The following KIAA0586 variants were observed in gnomAD, a reference collection of about 807,000 sequenced individuals.
KIAA0586 encodes KIAA0586.
Under a neutral mutation model 169.8 loss-of-function variants are expected in KIAA0586, and 144 were observed. The ratio of observed to expected loss-of-function variants is 0.85; its 90% CI spans 0.74 to 0.97. KIAA0586 has a LOEUF of 0.97. KIAA0586 is among the 50% of genes least tolerant of loss of function. The pLI, the probability that KIAA0586 is intolerant of heterozygous loss-of-function variation, is 0.00. For synonymous variants in KIAA0586, 625 were observed against 612.4 expected (o/e 1.02, Z -0.30); for missense variants, 1,854 against 1,823.0 (o/e 1.02, Z -0.31).
Position 58,493,900 on chromosome 14 carries a change from G to A in KIAA0586, c.3990+1625G>A, listed in dbSNP as rs370674385. Among the ~76,000 whole-genome samples, 4 of 152,036 alleles carry A rather than the reference G, an allele frequency of 2.6e-5. 1 individual carries two copies. On this transcript the variant is annotated intron_variant, in intron 26 of 30. Coordinates refer to ENST00000652326, the MANE Select transcript of KIAA0586 (RefSeq NM_001329943.3). ...AGAGAGAAAGAGGGAGAGGGAAGAA[G>A]GGAGAGAGAATGAGACAAGCAAATG...
At chr14:58,467,985 T>A in intron 16 of KIAA0586, 63 bp downstream of exon 16, 1 of 1,055,334 alleles carries the variant, frequency 9.5e-7, no homozygotes, top group Non-Finnish European at 1.4e-6. Flanking sequence ...TTAACGTTAG[T>A]ACGGAAATCC....
chr14:58,531,160 T>G (rs541857295), intron 29 of KIAA0586, among the ~76,000 whole-genome samples: 47 of 135,104 alleles, frequency 3.5e-4, no homozygotes, highest in Non-Finnish European at 2.6e-4. Flanking sequence ...TACTAAAATG[T>G]ACAAAAAAAA....
chr14:58,543,015 G>A (rs903076349), intron 30 of KIAA0586, among the ~76,000 whole-genome samples: 4 of 151,230 alleles, frequency 2.6e-5, no homozygotes, highest in African/African-American at 4.9e-5. Flanking sequence ...TTAGTCCCTC[G>A]CAGCTACTTG....
chr14:58,553,983 ATT>A (rs2047231045), downstream of KIAA0586, among the ~76,000 whole-genome samples: 1 of 152,228 alleles, frequency 6.6e-6, no homozygotes, highest in East Asian at 1.9e-4. Context: ...TTTACACTCA[ATT>A]GATAGTTGAT....
At chr14:58,516,458 C>G (rs1328210537) in intron 29 of KIAA0586, among the ~76,000 whole-genome samples, 3 of 152,132 alleles carry the variant, frequency 2.0e-5, no homozygotes, top group Non-Finnish European at 4.4e-5. Flanking sequence ...AGTCTTGGTC[C>G]CACAATCTTT....
Position 58,482,659 on chromosome 14 carries a change from C to G in KIAA0586, c.3091C>G (p.Pro1031Ala). The part of the protein sequence containing the change: ...LGDREAKKQG[P>A]VATGVSGDAS... ...TGACAGAGAAGCAAAGAAGCAAGGT[C>G]CTGTTGCTACAGGTGTTTCTGGGGA... Residue 1031 changes from proline to alanine, a missense_variant, in exon 21 of 31, where the codon CCT (proline) becomes GCT (alanine). Transcript: ENST00000652326. 6.2e-7 allele frequency: 1 copy of G among 1,605,024 alleles called. No homozygotes were observed.
chr14:58,503,562 A>AT (rs1054414858), intron 27 of KIAA0586, among the ~76,000 whole-genome samples: 2 of 152,116 alleles, frequency 1.3e-5, no homozygotes, highest in African/African-American at 4.8e-5. Context: ...GTTCACAATG[A>AT]TTTTTTTTCT....
chr14:58,507,929 T>A lies in KIAA0586; in HGVS notation c.4169-626T>A, dbSNP rs368895508. Reference sequence around the variant, plus strand: ...CTTCCTGAGTAGCTGGGATTACAGGTGCCATGCCACCACACCCAGCTAATT... The same window carrying A: ...CTTCCTGAGTAGCTGGGATTACAGGAGCCATGCCACCACACCCAGCTAATT... On this transcript the variant is annotated intron_variant, in intron 27 of 30. Coordinates refer to ENST00000652326, the MANE Select transcript of KIAA0586 (RefSeq NM_001329943.3). Among the ~76,000 whole-genome samples the A allele has an allele frequency of 2.6e-5, 4 of 152,054 alleles. 1 individual carries two copies.
chr14:58,520,041 C>T (rs1053082128), intron 29 of KIAA0586, among the ~76,000 whole-genome samples: 1 of 151,910 alleles, frequency 6.6e-6, no homozygotes, highest in Non-Finnish European at 1.5e-5. Flanking sequence ...TATTTGAGGA[C>T]AAAATAGTTG....
chr14:58,444,066 G>A lies in KIAA0586; in HGVS notation c.698G>A (p.Arg233Lys), dbSNP rs193056942. ...RVTEQQTSIQ[R>K]KQEKLHCHDH... is the part of the protein sequence containing the mutation. Reference sequence around the variant, plus strand: ...ACAGAGCAGCAAACAAGCATTCAGAGGAAACAAGAGAAATTACATTGTCAT... The same window carrying A: ...ACAGAGCAGCAAACAAGCATTCAGAAGAAACAAGAGAAATTACATTGTCAT... Residue 233 changes from arginine (R) to lysine (K), a missense_variant, in exon 6 of 31, where the codon AGG (arginine) becomes AAG (lysine). Physicochemically the swap from Arg to Lys is conservative, Grantham distance 26. Transcript: ENST00000652326. 4,329 of 1,613,334 alleles carry A rather than the reference G, an allele frequency of 2.7e-3. 10 individuals are homozygous for A. Among genetic ancestry groups the A allele is most frequent in the Non-Finnish European group, 3.3e-3 (3,914 of 1,179,494 alleles).
chr14:58,488,057 C>T lies in KIAA0586; in HGVS notation c.3475C>T (p.Leu1159=), dbSNP rs1399009591. ...GCCATGGGGTGATGGAGACCTGCCA[C>T]TGGAAGAAGAGAACCCTAACTCACC... is the stretch of plus-strand genomic sequence containing the variant. The part of the protein sequence containing the change: ...PKPWGDGDLP[L]EEENPNSPQE... The change falls in exon 23 of 31, where the codon CTG becomes TTG. Residue 1159 remains leucine, a synonymous_variant. Coordinates refer to ENST00000652326, the MANE Select transcript of KIAA0586 (RefSeq NM_001329943.3). The T allele has an allele frequency of 6.2e-7, 1 of 1,610,334 alleles. No homozygotes were observed. The highest frequency in any genetic ancestry group is 1.3e-5 in the African/African-American group (1 of 74,872).
chr14:58,497,219 C>T (rs2043213265), intron 26 of KIAA0586, among the ~76,000 whole-genome samples: 1 of 152,060 alleles, frequency 6.6e-6, no homozygotes, highest in Non-Finnish European at 1.5e-5. Context: ...GTGATCCACC[C>T]ACCTCGGCCT....
intron 13 of KIAA0586, 41 bp downstream of exon 13, chr14:58,460,111 A>C (rs1204471454): frequency 1.8e-6 from 2 of 1,134,680 alleles, no homozygotes; most frequent in African/African-American, 3.1e-5. Flanking sequence ...TTGTTGTGTT[A>C]TAATTGATCA....
At chr14:58,451,423 C>T (rs1253277243) in intron 8 of KIAA0586, among the ~76,000 whole-genome samples, 1 of 151,716 alleles carries the variant, frequency 6.6e-6, no homozygotes, top group Non-Finnish European at 1.5e-5. Context: ...GATGGGGTTT[C>T]ACTATGTTTC....
chr14:58,490,828 T>A (rs1047649061), intron 25 of KIAA0586, among the ~76,000 whole-genome samples: 1 of 152,128 alleles, frequency 6.6e-6, no homozygotes, highest in African/African-American at 2.4e-5. Context: ...TTATATATTT[T>A]TAAACAACCT....
intron 9 of KIAA0586, 70 bp downstream of exon 9, chr14:58,453,543 G>T: frequency 3.6e-6 from 4 of 1,117,494 alleles, no homozygotes; most frequent in East Asian, 3.2e-5. Flanking sequence ...AATTTCTTTG[G>T]GACTTTTAAT....
At chr14:58,506,046 A>G (rs2043914611) in intron 27 of KIAA0586, among the ~76,000 whole-genome samples, 1 of 152,114 alleles carries the variant, frequency 6.6e-6, no homozygotes, top group Non-Finnish European at 1.5e-5. Flanking sequence ...TAGTTCTAAT[A>G]GAGTTCTTTT....
At chr14:58,482,164 G>A (rs979004253) in intron 20 of KIAA0586, among the ~76,000 whole-genome samples, 3 of 151,798 alleles carry the variant, frequency 2.0e-5, no homozygotes, top group Non-Finnish European at 2.9e-5. Flanking sequence ...AGTGGCTGTC[G>A]CCCGTAATAC....
Position 58,427,879 on chromosome 14 carries a change from A to G in KIAA0586, c.-386A>G. ...TTATGTGGGTCATTATTTTAAAAAT[A>G]GCATTTCGCTTTTATTTGCTTGACT... is the stretch of plus-strand genomic sequence containing the variant. On this transcript the variant is annotated 5_prime_UTR_variant, in exon 1 of 31. The change creates a new upstream start codon in the 5' untranslated region. Coordinates refer to ENST00000652326, the MANE Select transcript of KIAA0586 (RefSeq NM_001329943.3). The G allele has an allele frequency of 7.3e-7, 1 of 1,375,596 alleles. No homozygotes were observed. The highest frequency in any genetic ancestry group is 9.5e-7 in the Non-Finnish European group (1 of 1,049,662). The allele number at this position is 1,375,596 out of a possible 1,614,324, so 85.2% of individuals were successfully genotyped here.
Sources: allele counts gnomAD v4.1 joint callset (sites outside exome capture counted in the v4.1 genomes callset), GRCh38; gene constraint gnomAD v4.1.1; transcripts MANE v1.5; gene names NCBI Gene and HGNC (gene_info 2026-07-23, HGNC 2026-07-21).